The following PVT1 variants were observed in gnomAD, a reference collection of about 807,000 sequenced individuals.
PVT1 encodes the protein Pvt1 oncogene.
intron 2 of PVT1, among the ~76,000 whole-genome samples, chr8:127,889,370 T>C (rs1237989123): frequency 6.6e-6 from 1 of 151,814 alleles, no homozygotes; most frequent in Non-Finnish European, 1.5e-5. Context: ...CCTCAAGGGA[T>C]CCACCAGCCT....
chr8:128,045,001 G>A (rs1174389014), intron 4 of PVT1, among the ~76,000 whole-genome samples: 2 of 152,236 alleles, frequency 1.3e-5, no homozygotes, highest in African/African-American at 4.8e-5. Context: ...TGGACCAGTG[G>A]TTTGTTGGGG....
chr8:127,970,586 A>G (rs1816755110), intron 3 of PVT1, among the ~76,000 whole-genome samples: 1 of 152,056 alleles, frequency 6.6e-6, no homozygotes, highest in African/African-American at 2.4e-5. Flanking sequence ...GGCATGAGCA[A>G]CCACGCCCAG....
intron 4 of PVT1, among the ~76,000 whole-genome samples, chr8:127,997,213 G>T (rs1817117408): frequency 6.6e-6 from 1 of 151,876 alleles, no homozygotes; most frequent in Non-Finnish European, 1.5e-5. Context: ...GGCTAATTTT[G>T]TATTTTTAGT....
At chr8:127,931,281 G>T (rs963985628) in intron 3 of PVT1, among the ~76,000 whole-genome samples, 32 of 152,106 alleles carry the variant, frequency 2.1e-4, no homozygotes, top group African/African-American at 7.0e-4. Flanking sequence ...TTCCATTTAT[G>T]TTTCCAGGGT....
intron 3 of PVT1, among the ~76,000 whole-genome samples, chr8:127,911,668 C>T (rs938843944): frequency 6.6e-6 from 1 of 152,232 alleles, no homozygotes; most frequent in Non-Finnish European, 1.5e-5. Flanking sequence ...AGGTCGGGAA[C>T]TTGTCCAAAG....
At chr8:127,823,289 A>C (rs536371826) in intron 2 of PVT1, among the ~76,000 whole-genome samples, 3 of 152,356 alleles carry the variant, frequency 2.0e-5, no homozygotes, top group African/African-American at 7.2e-5. Flanking sequence ...CTGACAGCCA[A>C]CTTCATATGG....
At chr8:127,804,927 CTTTT>C (rs754070998) in intron 2 of PVT1, among the ~76,000 whole-genome samples, 1 of 114,206 alleles carries the variant, frequency 8.8e-6, no homozygotes, top group Non-Finnish European at 1.9e-5. Flanking sequence ...TTGTCCATGT[CTTTT>C]TTTTTTTTTT....
chr8:127,873,141 A>G (rs951307764), intron 2 of PVT1, among the ~76,000 whole-genome samples: 4 of 152,170 alleles, frequency 2.6e-5, no homozygotes, highest in Non-Finnish European at 5.9e-5. Flanking sequence ...GTCCCAAGAC[A>G]AGGGCCTGCC....
At chr8:128,008,400 C>A (rs944091453) in intron 4 of PVT1, among the ~76,000 whole-genome samples, 1 of 152,188 alleles carries the variant, frequency 6.6e-6, no homozygotes, top group Non-Finnish European at 1.5e-5. Context: ...TACCATGTAC[C>A]TTTCTTCCAA....
At chr8:128,008,756 G>A (rs2033102) in intron 4 of PVT1, 127,072 of 289,070 alleles carry the variant, frequency 0.44, 29,633 homozygotes, top group Non-Finnish European at 0.52. Context: ...ACAATGCTAA[G>A]CATGTGCAGG....
chr8:128,092,438 T>C (rs1277678789), intron 5 of PVT1, among the ~76,000 whole-genome samples: 2 of 152,216 alleles, frequency 1.3e-5, no homozygotes, highest in Non-Finnish European at 2.9e-5. Flanking sequence ...TTGCAGTTTT[T>C]GCCATTACCT....
At chr8:127,969,207 A>C (rs1455261363) in intron 3 of PVT1, among the ~76,000 whole-genome samples, 3 of 152,088 alleles carry the variant, frequency 2.0e-5, no homozygotes, top group Admixed American at 6.5e-5. Flanking sequence ...TTCATTCTTC[A>C]TTATTAATGG....
In PVT1 at chr8:127,918,081, G is replaced by A. The variant is rs150238849; in HGVS notation, n.782+27083G>A. Among the ~76,000 whole-genome samples, 520 of 152,328 alleles carry A rather than the reference G, an allele frequency of 3.4e-3. 1 individual carries two copies. In the Middle Eastern group the frequency reaches 0.037, roughly 11 times the overall value. On this transcript the variant is annotated intron_variant and non_coding_transcript_variant, in intron 3 of 10. Transcript: ENST00000651587. ...TGACATTTGTGCTGAGACCTCATGC[G>A]CTCTGCAGCGCTGCCTTTCATCTCT...
chr8:127,850,863 A>G (rs1321477322), intron 2 of PVT1, among the ~76,000 whole-genome samples: 1 of 152,074 alleles, frequency 6.6e-6, no homozygotes, highest in Non-Finnish European at 1.5e-5. Flanking sequence ...TACTAAAAAT[A>G]CAAAAAGTAG....
chr8:127,959,617 G>A (rs918939413), intron 3 of PVT1, among the ~76,000 whole-genome samples: 2 of 145,392 alleles, frequency 1.4e-5, no homozygotes, highest in Non-Finnish European at 3.0e-5. Flanking sequence ...AAAAGACCCA[G>A]TGCCTACCCT....
intron 4 of PVT1, among the ~76,000 whole-genome samples, chr8:128,042,773 A>ATTTTATTTTG (rs949968922): frequency 4.0e-5 from 6 of 150,828 alleles, no homozygotes; most frequent in Admixed American, 3.3e-4. Context: ...ATTTTATTTT[A>ATTTTATTTTG]TTTTATTTTA....
intron 4 of PVT1, among the ~76,000 whole-genome samples, chr8:128,062,656 C>G (rs1499363): frequency 0.61 from 92,463 of 152,126 alleles, 28,369 homozygotes; most frequent in East Asian, 0.86. Flanking sequence ...AAATATAGAC[C>G]TATAAAAACA....
intron 5 of PVT1, among the ~76,000 whole-genome samples, chr8:128,084,347 G>T (rs544510292): frequency 6.6e-6 from 1 of 152,082 alleles, no homozygotes; most frequent in South Asian, 2.1e-4. Context: ...TTGCACATAC[G>T]ATTTTCCTTT....
At chr8:127,819,835 C>T (rs1011758847) in intron 2 of PVT1, among the ~76,000 whole-genome samples, 1 of 152,166 alleles carries the variant, frequency 6.6e-6, no homozygotes, top group East Asian at 1.9e-4. Flanking sequence ...CCAAGTAATT[C>T]GCCCTCATCA....
Sources: allele counts gnomAD v4.1 joint callset (sites outside exome capture counted in the v4.1 genomes callset), GRCh38; gene constraint gnomAD v4.1.1; transcripts MANE v1.5; gene names NCBI Gene and HGNC (gene_info 2026-07-23, HGNC 2026-07-21).